Variants in STAMBP observed in about 807,000 individuals in gnomAD.
STAMBP encodes STAM binding protein.
Under a neutral mutation model 50.7 loss-of-function variants are expected in STAMBP, and 31 were observed. The ratio of observed to expected loss-of-function variants is 0.61; its 90% confidence interval spans 0.46 to 0.83. The LOEUF (loss-of-function observed/expected upper bound fraction) is 0.83, where lower values mean the gene tolerates loss of function less well. Among genes scored for constraint, STAMBP ranks in the 40% least tolerant of loss-of-function variants. The pLI, the probability that STAMBP is intolerant of heterozygous loss-of-function variation, is 0.00. For missense variants in STAMBP, 472 were observed against 518.9 expected (o/e 0.91, Z 0.88); for synonymous variants, 211 against 192.4 (o/e 1.10, Z -0.80).
rs1214173637 is a variant in STAMBP at position 73,860,887 on chromosome 2, T to C, written c.1218+736T>C. On this transcript the variant is annotated intron_variant, in intron 9 of 9. Coordinates refer to ENST00000394070, the MANE Select transcript of STAMBP (RefSeq NM_213622.4). ...TAGAAGAGAAACCCCAGGAAGGATC[T>C]GAGAGCTGATTTCAAGTGTTAGAAG... Among the ~76,000 whole-genome samples the C allele has an allele frequency of 5.3e-5, 8 of 152,314 alleles. No individual in the cohort carries two copies. In the East Asian group the frequency reaches 1.5e-3, roughly 29 times the overall value.
In STAMBP at chr2:73,849,373, C is replaced by G; in HGVS notation, c.753C>G (p.Ile251Met). 1 of 1,614,010 alleles carries G rather than the reference C, an allele frequency of 6.2e-7. No homozygotes were observed. Among genetic ancestry groups the G allele is most frequent in the Non-Finnish European group, 8.5e-7 (1 of 1,179,996 alleles). Reference protein sequence around the residue: ...ALSNSESIPTIDGLRHVVVPG... With the variant: ...ALSNSESIPTMDGLRHVVVPG... ...CTTTCTCCTTTACAGTTCCCACAAT[C>G]GATGGATTGCGCCATGTGGTGGTGC... is the stretch of plus-strand genomic sequence containing the variant. The change falls in exon 6 of 10, where the codon ATC becomes ATG. Residue 251 changes from isoleucine (I) to methionine (M), a missense_variant. Transcript: ENST00000394070.
chr2:73,859,714 T>TAATAAAAAA (rs1553386352), intron 8 of STAMBP, among the ~76,000 whole-genome samples: 28 of 147,876 alleles, frequency 1.9e-4, no homozygotes, highest in Admixed American at 8.0e-4. Context: ...TAAAAAAATA[T>TAATAAAAAA]AATAAAAAAA....
chr2:73,852,191 G>A (rs1676900825), intron 7 of STAMBP, among the ~76,000 whole-genome samples: 1 of 152,172 alleles, frequency 6.6e-6, no homozygotes, highest in South Asian at 2.1e-4. Flanking sequence ...ATGCTAGTGT[G>A]TTTGGGAAGG....
chr2:73,873,617 C>T (rs1461300247), exon 11 of STAMBP: 2 of 152,166 alleles, frequency 1.3e-5, no homozygotes, highest in African/African-American at 4.8e-5. Flanking sequence ...CAAACCATTC[C>T]CTGTCCAAGA....
intron 4 of STAMBP, 58 bp downstream of exon 4, chr2:73,845,320 A>G: frequency 8.5e-7 from 1 of 1,181,594 alleles, no homozygotes; most frequent in Non-Finnish European, 1.2e-6. Flanking sequence ...GTGCCCTGGG[A>G]TTGTAATATG....
chr2:73,833,714 A>G (rs758977646), intron 2 of STAMBP, among the ~76,000 whole-genome samples: 3 of 152,200 alleles, frequency 2.0e-5, no homozygotes, highest in Non-Finnish European at 4.4e-5. Flanking sequence ...GGCAAAGACC[A>G]TATTCATTCA....
At chr2:73,851,207 G>A (rs1382990199) in intron 7 of STAMBP, among the ~76,000 whole-genome samples, 2 of 152,192 alleles carry the variant, frequency 1.3e-5, no homozygotes, top group African/African-American at 4.8e-5. Context: ...CTGTGAGGCA[G>A]TCCCATGTGC....
intron 7 of STAMBP, among the ~76,000 whole-genome samples, chr2:73,854,114 G>A (rs1454023914): frequency 6.6e-6 from 1 of 152,200 alleles, no homozygotes; most frequent in African/African-American, 2.4e-5. Flanking sequence ...GATCGAATGA[G>A]AAGTACATAG....
At position 73,829,098 on chromosome 2, in the gene STAMBP, C is replaced by T. The variant is rs977578289; in HGVS notation, c.-425C>T. ...GAGTGTGGGGCCTGCAGCCTACTCT[C>T]CCCGAGTCCCCTGCCCGGCCTGCCT... is the stretch of plus-strand genomic sequence containing the variant. On this transcript the variant is annotated 5_prime_UTR_variant, in exon 1 of 10. Transcript: ENST00000394070. The T allele has an allele frequency of 6.6e-6, 1 of 152,302 alleles. No individual in the cohort carries two copies. The highest frequency in any genetic ancestry group is 1.5e-5 in the Non-Finnish European group (1 of 68,108). The allele number at this position is 152,302 out of a possible 1,614,324, so 9.4% of individuals were successfully genotyped here. A position where few individuals can be genotyped will look rare whatever the true frequency, so the allele number is the denominator to read the frequency against.
chr2:73,847,714 A>G lies in STAMBP; in HGVS notation c.703A>G (p.Arg235Gly). ...GCCAGCTAAGCCACCTGTGGTGGACAGGTCCTTGAAACCTGGAGCACTGAG... is the reference window on the plus strand; with the variant it reads ...GCCAGCTAAGCCACCTGTGGTGGACGGGTCCTTGAAACCTGGAGCACTGAG... ...VRPAKPPVVD[R>G]SLKPGALSNS... Residue 235 changes from arginine to glycine, a missense_variant, in exon 5 of 10, where the codon AGG becomes GGG. By Grantham distance (125) the Arg-to-Gly change is moderately radical. Transcript: ENST00000394070. 2 of 1,614,106 alleles carry G rather than the reference A, an allele frequency of 1.2e-6. No homozygotes were observed. Among genetic ancestry groups the G allele is most frequent in the Non-Finnish European group, 1.7e-6 (2 of 1,179,996 alleles).
intron 7 of STAMBP, among the ~76,000 whole-genome samples, chr2:73,858,529 A>T (rs919704029): frequency 1.3e-5 from 2 of 152,148 alleles, no homozygotes; most frequent in Non-Finnish European, 2.9e-5. Context: ...TGGGAAAATC[A>T]AGCTAATTAG....
chr2:73,830,956 CGTCG>C lies in STAMBP; in HGVS notation c.103_106del (p.Arg35ThrfsTer57). 1 of 1,614,172 alleles carries C rather than the reference CGTCG, an allele frequency of 6.2e-7. No individual in the cohort carries two copies. Among genetic ancestry groups the C allele is most frequent in the Non-Finnish European group, 8.5e-7 (1 of 1,180,022 alleles). On this transcript the variant is annotated frameshift_variant, in exon 2 of 10. Transcript: ENST00000394070. LOFTEE classifies it high-confidence loss of function. ...AGAGGTGAATGAAGACATTCCACCC[CGTCG>C]GTACTTCCGCTCTGGAGTTGAGATT...
At chr2:73,859,104 A>G (rs1197963224) in intron 7 of STAMBP, 150 bp from the exon 8 acceptor site, 2 of 614,978 alleles carry the variant, frequency 3.3e-6, no homozygotes, top group South Asian at 2.2e-5. Context: ...TGTGAAGATG[A>G]TCTCTCTTTC....
chr2:73,860,573 G>A (rs995592979), intron 9 of STAMBP: 580 of 986,076 alleles, frequency 5.9e-4, no homozygotes, highest in Admixed American at 7.3e-4. Flanking sequence ...AAGGAAAAGA[G>A]AAGCCACTTC....
chr2:73,861,551 G>A (rs1678320625), intron 9 of STAMBP, among the ~76,000 whole-genome samples: 1 of 151,772 alleles, frequency 6.6e-6, no homozygotes. Context: ...ACAGAGTCTC[G>A]CTCTGTTGCC....
Position 73,852,845 on chromosome 2 carries a change from TTGTGTGTG to T in STAMBP, c.1005+2362_1005+2369del, listed in dbSNP as rs55727735. Among the ~76,000 whole-genome samples the T allele has an allele frequency of 1.2e-3, 148 of 127,688 alleles. 1 individual carries two copies. In the East Asian group the frequency reaches 0.016, roughly 13 times the overall value. The allele number at this position is 127,688 out of a possible 152,430, so 83.8% of individuals were successfully genotyped here. A position where few individuals can be genotyped will look rare whatever the true frequency, so the allele number is the denominator to read the frequency against. On this transcript the variant is annotated intron_variant, in intron 7 of 9. Transcript: ENST00000394070. ...GGTACCCGCCACTATGCCTGGCTAA[TTGTGTGTG>T]TGTGTGTGTGTGTGTGTGTGTGTGT...
chr2:73,852,845 TTGTGTGTGTG>T lies in STAMBP; in HGVS notation c.1005+2360_1005+2369del, dbSNP rs55727735. 1.5e-3 allele frequency among the ~76,000 whole-genome samples: 187 copies of T among 127,690 alleles called. 1 individual carries two copies. Among genetic ancestry groups the T allele is most frequent in the African/African-American group, 5.2e-3 (170 of 32,548 alleles). 83.8% of individuals were successfully genotyped at this position (127,690 alleles called of 152,430 possible). On this transcript the variant is annotated intron_variant, in intron 7 of 9. Coordinates refer to ENST00000394070, the MANE Select transcript of STAMBP (RefSeq NM_213622.4). ...GGTACCCGCCACTATGCCTGGCTAATTGTGTGTGTGTGTGTGTGTGTGTGTGTGTGTGTGT... is the reference window on the plus strand; with the variant it reads ...GGTACCCGCCACTATGCCTGGCTAATTGTGTGTGTGTGTGTGTGTGTGTGT...
chr2:73,868,309 G>A (rs1679049407), downstream of STAMBP, among the ~76,000 whole-genome samples: 1 of 151,976 alleles, frequency 6.6e-6, no homozygotes, highest in Non-Finnish European at 1.5e-5. Flanking sequence ...CTAACTGCCA[G>A]CATGTATTAT....
intron 10 of STAMBP, among the ~76,000 whole-genome samples, chr2:73,872,386 G>A (rs1184216640): frequency 4.6e-5 from 7 of 152,234 alleles, no homozygotes; most frequent in African/African-American, 9.6e-5. Flanking sequence ...GCAGCTGGAC[G>A]ATGGGGTAGT....
Sources: gnomAD v4.1 joint callset for allele counts (sites outside exome capture counted in the v4.1 genomes callset) on GRCh38, gnomAD v4.1.1 for gene constraint, MANE v1.5 for transcripts, NCBI Gene and HGNC (gene_info 2026-07-23, HGNC 2026-07-21) for gene names.